The following KNDC1 variants were observed in gnomAD, a reference collection of about 807,000 sequenced individuals.
KNDC1 encodes kinase non-catalytic C-lobe domain containing 1.
Under a neutral mutation model 172.8 loss-of-function variants are expected in KNDC1, and 106 were observed. The ratio of observed to expected loss-of-function variants is 0.61; its 90% CI spans 0.52 to 0.72. The LOEUF (loss-of-function observed/expected upper bound fraction) is 0.72, where lower values mean the gene tolerates loss of function less well. Among genes scored for constraint, KNDC1 ranks in the 30% least tolerant of loss-of-function variants. The pLI is 0.00. For synonymous variants in KNDC1, 1,083 were observed against 1,062.2 expected, an observed-to-expected ratio of 1.02 and a Z score of -0.38; for missense variants, 2,325 against 2,394.5, an observed-to-expected ratio of 0.97 and a Z score of 0.61.
chr10:133,167,721 T>C, intron 2 of KNDC1, 142 bp downstream of exon 2: 1 of 959,466 alleles, frequency 1.0e-6, no homozygotes, highest in Non-Finnish European at 1.6e-6. Flanking sequence ...CTTCTCTTCC[T>C]TGGGAGGGAC....
chr10:133,189,843 C>A, intron 9 of KNDC1, 30 bp downstream of exon 9: 3 of 1,581,448 alleles, frequency 1.9e-6, no homozygotes, highest in Non-Finnish European at 2.6e-6. Flanking sequence ...CCTGCCCCAG[C>A]CCTGCCCCCA....
intron 11 of KNDC1, 61 bp downstream of exon 11, chr10:133,197,196 C>G: frequency 7.3e-7 from 1 of 1,363,778 alleles, no homozygotes; most frequent in Non-Finnish European, 1.0e-6. Flanking sequence ...CCCTCCTGGA[C>G]GCACTTGCCC....
At chr10:133,220,214 GA>G (rs1845558388) in intron 29 of KNDC1, 102 bp downstream of exon 29, 1 of 707,816 alleles carries the variant, frequency 1.4e-6, no homozygotes, top group South Asian at 2.9e-5. Flanking sequence ...CCCAGGAGAG[GA>G]GGGGCTCAGG....
At position 133,183,936 on chromosome 10, in the gene KNDC1, T is replaced by C. The variant is rs756127610; in HGVS notation, c.572T>C (p.Leu191Pro). The C allele has an allele frequency of 1.9e-6, 3 of 1,603,618 alleles. No individual in the cohort carries two copies. The highest frequency in any genetic ancestry group is 1.7e-6 in the Non-Finnish European group (2 of 1,172,344). Residue 191 changes from leucine to proline, a missense_variant, in exon 5 of 30, where the codon CTC (leucine) becomes CCC (proline). Transcript: ENST00000304613. ...LTSSCRVCRS[L>P]SAVGRRVLSI... The stretch of plus-strand genomic sequence containing the variant: ...TCCTCCTGTCGCGTGTGCCGGAGCC[T>C]CTCTGCTGTGGGGAGGAGGGTCCTC...
At chr10:133,207,470 A>C in intron 20 of KNDC1, 119 bp downstream of exon 20, 3 of 947,966 alleles carry the variant, frequency 3.2e-6, no homozygotes, top group Non-Finnish European at 4.8e-6. Context: ...GTTTAGAGAA[A>C]TGTTTAATCG....
intron 10 of KNDC1, among the ~76,000 whole-genome samples, chr10:133,196,145 C>T (rs1188818174): frequency 6.6e-6 from 1 of 152,170 alleles, no homozygotes; most frequent in Admixed American, 6.5e-5. Flanking sequence ...CCTGTGGGCA[C>T]GTGCAGACCC....
At chr10:133,181,834 C>CCACACACACACACACA (rs369062586) in intron 3 of KNDC1, among the ~76,000 whole-genome samples, 2,064 of 138,838 alleles carry the variant, frequency 0.015, 46 homozygotes, top group African/African-American at 0.05. Context: ...CCAGGACCGT[C>CCACACACACACACACA]CACACACACA....
chr10:133,168,339 ACAC>A, intron 3 of KNDC1, 27 bp downstream of exon 3: 2 of 1,599,260 alleles, frequency 1.3e-6, no homozygotes, highest in Non-Finnish European at 1.7e-6. Context: ...GTAATGTGCC[ACAC>A]CCCCCTTTTA....
chr10:133,180,515 T>G lies in KNDC1; in HGVS notation c.361-2829T>G, dbSNP rs564578633. 6.6e-5 allele frequency among the ~76,000 whole-genome samples: 10 copies of G among 152,350 alleles called. No homozygotes were observed. In the South Asian group the frequency reaches 1.7e-3, roughly 25 times the overall value. ...CCAGAGAGTGAGGCTTCAAACAGAT[T>G]AGGTCTGGATATCTTAAAATTATAA... is the stretch of plus-strand genomic sequence containing the variant. On this transcript the variant is annotated intron_variant, in intron 3 of 29. Coordinates refer to ENST00000304613, the MANE Select transcript of KNDC1 (RefSeq NM_152643.8).
intron 3 of KNDC1, among the ~76,000 whole-genome samples, chr10:133,172,884 C>T (rs910051372): frequency 3.3e-5 from 5 of 152,256 alleles, no homozygotes; most frequent in Middle Eastern, 3.4e-3. Context: ...GTACCTGTAG[C>T]CCCAGCCGCT....
In KNDC1 at chr10:133,197,667, C is replaced by T. The variant is rs777270947; in HGVS notation, c.1813-8C>T. On this transcript the variant is annotated splice_polypyrimidine_tract_variant and splice_region_variant and intron_variant, in intron 11 of 29. Transcript: ENST00000304613. ...TCACCTGGCCCAGGGCTGTCACCTC[C>T]TCCCCAGGTGTACCAGGAGGAAGAG... 4 of 1,609,444 alleles carry T rather than the reference C, an allele frequency of 2.5e-6. No individual in the cohort carries two copies. Among genetic ancestry groups the T allele is most frequent in the South Asian group, 1.1e-5 (1 of 91,020 alleles).
chr10:133,198,697 A>C lies in KNDC1; in HGVS notation c.2189A>C (p.Asp730Ala). 1 of 1,580,174 alleles carries C rather than the reference A, an allele frequency of 6.3e-7. No individual in the cohort carries two copies. Among genetic ancestry groups the C allele is most frequent in the Non-Finnish European group, 8.6e-7 (1 of 1,164,008 alleles). ...GGGTCCCCCAGCCTGAAGACGCCTG[A>C]CGGGCCGGTGCCTGGTCCGGGGCCA... ...HAGSPSLKTPDGPVPGPGPQG... is the reference protein window; with the variant it reads ...HAGSPSLKTPAGPVPGPGPQG... The change falls in exon 14 of 30, where the codon GAC (aspartate) becomes GCC (alanine). Residue 730 changes from aspartate (D) to alanine (A), a missense_variant. Coordinates refer to ENST00000304613, the MANE Select transcript of KNDC1 (RefSeq NM_152643.8).
Position 133,181,834 on chromosome 10 carries a change from C to CCACACACACACACA in KNDC1, c.361-1496_361-1483dup, listed in dbSNP as rs369062586. On this transcript the variant is annotated intron_variant, in intron 3 of 29. Coordinates refer to ENST00000304613, the MANE Select transcript of KNDC1 (RefSeq NM_152643.8). The stretch of plus-strand genomic sequence containing the variant: ...CCAGACCAGGAAGCCCCAGGACCGT[C>CCACACACACACACA]CACACACACACACACACACACACAC... 2.5e-3 allele frequency among the ~76,000 whole-genome samples: 346 copies of CCACACACACACACA among 138,880 alleles called. 1 individual carries two copies. The highest frequency in any genetic ancestry group is 7.5e-3 in the African/African-American group (292 of 38,852). The allele number at this position is 138,880 out of a possible 152,430, so 91.1% of individuals were successfully genotyped here.
chr10:133,191,295 C>T (rs1181307372), intron 9 of KNDC1, among the ~76,000 whole-genome samples: 2 of 151,782 alleles, frequency 1.3e-5, no homozygotes, highest in African/African-American at 2.4e-5. Flanking sequence ...CCCAGCTACT[C>T]GGGAGGCTGA....
chr10:133,169,665 G>A (rs919823343), intron 3 of KNDC1, among the ~76,000 whole-genome samples: 6 of 152,136 alleles, frequency 3.9e-5, no homozygotes, highest in East Asian at 1.9e-4. Flanking sequence ...GACGCGGCAC[G>A]TGGCCTGGTG....
rs144248701 is a variant in KNDC1 at position 133,198,363 on chromosome 10, G to A, written c.1933G>A (p.Gly645Arg). ...PGFLPVNSDT[G>R]LVAVPGPVPG... ...CTTCCTGCCGGTGAACAGCGACACCGGGCTTGTGGCTGTGCCAGGGCCCGT... is the reference window on the plus strand; with the variant it reads ...CTTCCTGCCGGTGAACAGCGACACCAGGCTTGTGGCTGTGCCAGGGCCCGT... Residue 645 changes from glycine (G) to arginine (R), a missense_variant, in exon 13 of 30, where the codon GGG (glycine) becomes AGG (arginine). Physicochemically the swap from Gly to Arg is moderately radical, Grantham distance 125. Transcript: ENST00000304613. 98 of 1,593,204 alleles carry A rather than the reference G, an allele frequency of 6.2e-5. No individual in the cohort carries two copies. The highest frequency in any genetic ancestry group is 7.2e-5 in the Non-Finnish European group (84 of 1,170,896).
intron 17 of KNDC1, chr10:133,202,845 C>T (rs1854411783): frequency 2.9e-6 from 1 of 345,728 alleles, no homozygotes. Flanking sequence ...ACCTGCATCT[C>T]GGACACCCCA....
At chr10:133,188,271 G>T (rs1005758336) in intron 6 of KNDC1, among the ~76,000 whole-genome samples, 1 of 152,182 alleles carries the variant, frequency 6.6e-6, no homozygotes, top group African/African-American at 2.4e-5. Flanking sequence ...GGTGTATGTT[G>T]AGCTTTTCAA....
chr10:133,204,276 T>A (rs1468311285), intron 17 of KNDC1, among the ~76,000 whole-genome samples: 1 of 152,184 alleles, frequency 6.6e-6, no homozygotes, highest in Non-Finnish European at 1.5e-5. Flanking sequence ...CTAGACGCTG[T>A]CCACCGGGTA....
Sources: gnomAD v4.1 joint callset for allele counts (sites outside exome capture counted in the v4.1 genomes callset) on GRCh38, gnomAD v4.1.1 for gene constraint, MANE v1.5 for transcripts, NCBI Gene and HGNC (gene_info 2026-07-23, HGNC 2026-07-21) for gene names.